PCDHA12: variants seen among roughly 807,000 people sequenced by gnomAD.
PCDHA12 encodes protocadherin alpha-12.
In PCDHA12, 44 loss-of-function variants were observed where a neutral mutation model predicts 60.0. The ratio of observed to expected loss-of-function variants is 0.73; its 90% CI spans 0.58 to 0.94. The LOEUF (loss-of-function observed/expected upper bound fraction) is 0.94, where lower values mean the gene tolerates loss of function less well. PCDHA12 is among the 40% of genes least tolerant of loss of function. The pLI is 0.00. For missense variants in PCDHA12, 1,276 were observed against 1,239.7 expected (o/e 1.03, Z -0.44); for synonymous variants, 569 against 553.0 (o/e 1.03, Z -0.40).
At chr5:140,927,641 CTG>C (rs782418145) in intron 1 of PCDHA12, 23 of 1,614,074 alleles carry the variant, frequency 1.4e-5, no homozygotes, top group Non-Finnish European at 1.4e-5. Flanking sequence ...CCCAATGGGA[CTG>C]TGTTATTCCG....
intron 1 of PCDHA12, among the ~76,000 whole-genome samples, chr5:140,921,271 A>C (rs1190111273): frequency 1.3e-5 from 2 of 152,142 alleles, no homozygotes; most frequent in East Asian, 1.9e-4. Flanking sequence ...TTTTATACTT[A>C]CTTGAAAAAA....
chr5:140,967,262 C>G (rs1554229356), intron 1 of PCDHA12: 1 of 1,613,522 alleles, frequency 6.2e-7, no homozygotes, highest in African/African-American at 1.3e-5. Flanking sequence ...GCCTGGAGCG[C>G]GCTTTCACAT....
intron 1 of PCDHA12, among the ~76,000 whole-genome samples, chr5:140,909,316 G>C (rs2074435468): frequency 6.6e-6 from 1 of 152,198 alleles, no homozygotes; most frequent in Non-Finnish European, 1.5e-5. Flanking sequence ...AAAGGCATTT[G>C]CCAAATCAAT....
chr5:140,929,164 G>A (rs1554206780), intron 1 of PCDHA12: 10 of 1,614,150 alleles, frequency 6.2e-6, no homozygotes, highest in East Asian at 2.2e-5. Context: ...TCTCTATCGG[G>A]CCTCTCTGGG....
At chr5:140,882,072 T>C in intron 1 of PCDHA12, 2 of 861,580 alleles carry the variant, frequency 2.3e-6, no homozygotes, top group South Asian at 1.9e-5. Context: ...TTCATGCGCA[T>C]GGTGTCGCTC....
chr5:140,968,866 A>C, intron 1 of PCDHA12: 1 of 1,614,230 alleles, frequency 6.2e-7, no homozygotes, highest in Non-Finnish European at 8.5e-7. Context: ...GCCCTCGGAC[A>C]TACTCTGAAA....
At chr5:140,929,319 T>C in intron 1 of PCDHA12, 1 of 1,545,486 alleles carries the variant, frequency 6.5e-7, no homozygotes, top group Non-Finnish European at 8.7e-7. Flanking sequence ...CTAATGTCAA[T>C]GCCATGGTAA....
chr5:140,919,038 C>A (rs2078983263), intron 1 of PCDHA12, among the ~76,000 whole-genome samples: 1 of 152,046 alleles, frequency 6.6e-6, no homozygotes, highest in Non-Finnish European at 1.5e-5. Context: ...TAGTTGTTGT[C>A]CATTATTGGA....
chr5:140,883,639 G>A (rs2059720248), intron 1 of PCDHA12: 1 of 1,614,016 alleles, frequency 6.2e-7, no homozygotes, highest in Non-Finnish European at 8.5e-7. Context: ...CGTTCGCGCA[G>A]CCCGAGTACA....
intron 2 of PCDHA12, among the ~76,000 whole-genome samples, chr5:140,980,838 A>G (rs141603230): frequency 5.3e-5 from 8 of 152,320 alleles, no homozygotes; most frequent in African/African-American, 1.4e-4. Flanking sequence ...GTGAACCTAA[A>G]TAATACTAAT....
At chr5:140,941,095 A>C (rs2092727620) in intron 1 of PCDHA12, among the ~76,000 whole-genome samples, 1 of 152,062 alleles carries the variant, frequency 6.6e-6, no homozygotes, top group South Asian at 2.1e-4. Flanking sequence ...TAGTTTTCAC[A>C]TACTATTACT....
intron 1 of PCDHA12, chr5:140,929,006 C>G: frequency 6.2e-7 from 1 of 1,614,050 alleles, no homozygotes; most frequent in Non-Finnish European, 8.5e-7. Context: ...TTCGTGTGTA[C>G]CAAGTTGCAC....
intron 1 of PCDHA12, 46 bp downstream of exon 1, chr5:140,877,885 T>C: frequency 1.4e-6 from 2 of 1,463,874 alleles, no homozygotes; most frequent in Non-Finnish European, 1.8e-6. Flanking sequence ...CTTGAAGAAC[T>C]TCCGTTTAGG....
intron 1 of PCDHA12, among the ~76,000 whole-genome samples, chr5:140,937,127 T>TC: frequency 6.7e-6 from 1 of 149,014 alleles, no homozygotes. Context: ...AAGCTCCGCC[T>TC]CCCGGGTTCA....
chr5:140,934,331 A>C (rs1313968911), intron 1 of PCDHA12, among the ~76,000 whole-genome samples: 1 of 152,116 alleles, frequency 6.6e-6, no homozygotes, highest in East Asian at 1.9e-4. Flanking sequence ...CATGAATGTA[A>C]TAACCACCAG....
chr5:140,936,820 T>C (rs2091164037), intron 1 of PCDHA12, among the ~76,000 whole-genome samples: 1 of 152,236 alleles, frequency 6.6e-6, no homozygotes, highest in Non-Finnish European at 1.5e-5. Flanking sequence ...TTTTTGGCCC[T>C]TTGCATTTCT....
At position 140,883,003 on chromosome 5, in the gene PCDHA12, C is replaced by G. The variant is rs781977743; in HGVS notation, c.2367+5164C>G. 3.1e-6 allele frequency: 5 copies of G among 1,613,932 alleles called. No homozygotes were observed. The African/African-American group carries it at 5.3e-5, about 17-fold the overall frequency. On this transcript the variant is annotated intron_variant, in intron 1 of 3. Coordinates refer to ENST00000398631, the MANE Select transcript of PCDHA12 (RefSeq NM_018903.4). ...ACAACGCCCCGGAATTTTACCAATC[C>G]GTTTATAAAGTGACGGTGTTAGAGA... is the stretch of plus-strand genomic sequence containing the variant.
chr5:140,878,899 G>A (rs1301967468), intron 1 of PCDHA12, among the ~76,000 whole-genome samples: 2 of 152,152 alleles, frequency 1.3e-5, no homozygotes, highest in African/African-American at 4.8e-5. Flanking sequence ...CTACAGGCAG[G>A]CTCCACCACT....
intron 1 of PCDHA12, among the ~76,000 whole-genome samples, chr5:140,922,947 C>A (rs533564361): frequency 6.6e-6 from 1 of 152,178 alleles, no homozygotes; most frequent in South Asian, 2.1e-4. Context: ...AATGGAAATC[C>A]AGTTTGTCTT....
Sources: gnomAD v4.1 joint callset for allele counts (sites outside exome capture counted in the v4.1 genomes callset) on GRCh38, gnomAD v4.1.1 for gene constraint, MANE v1.5 for transcripts, NCBI Gene and HGNC (gene_info 2026-07-23, HGNC 2026-07-21) for gene names.